The following UBR1 variants were observed in gnomAD, a reference collection of about 807,000 sequenced individuals.
The protein encoded by UBR1 is ubiquitin protein ligase E3 component n-recognin 1, also known as E3 ubiquitin-protein ligase UBR1.
Under a neutral mutation model 242.1 loss-of-function variants are expected in UBR1, and 102 were observed. The ratio of observed to expected loss-of-function variants is 0.42; its 90% CI spans 0.36 to 0.50. The LOEUF (loss-of-function observed/expected upper bound fraction) is 0.50. Ranked by LOEUF, UBR1 falls within the 20% of genes least tolerant of loss-of-function variation. The pLI is 0.01. For synonymous variants in UBR1, 675 were observed against 684.8 expected (o/e 0.99, Z 0.22); for missense variants, 1,772 against 2,101.8 (o/e 0.84, Z 3.07).
At chr15:43,068,652 ACT>A (rs1458175284) in intron 5 of UBR1, among the ~76,000 whole-genome samples, 3 of 151,862 alleles carry the variant, frequency 2.0e-5, no homozygotes, top group African/African-American at 7.2e-5. Flanking sequence ...ATGGAATCTC[ACT>A]CTGTCACCCA....
chr15:43,039,039 A>C lies in UBR1; in HGVS notation c.1850-807T>G, dbSNP rs190645754. Among the ~76,000 whole-genome samples, 1,370 of 151,544 alleles carry C rather than the reference A, an allele frequency of 9.0e-3. 17 individuals are homozygous for C. The highest frequency in any genetic ancestry group is 0.031 in the African/African-American group (1,303 of 41,508). On this transcript the variant is annotated intron_variant, in intron 15 of 46. Coordinates refer to ENST00000290650, the MANE Select transcript of UBR1 (RefSeq NM_174916.3). ...TTAACAAAAATTTTTATTTTTATTA[A>C]AAAGGTACTTTTTACAAAAATTTTT...
intron 39 of UBR1, among the ~76,000 whole-genome samples, chr15:42,973,522 C>T (rs4924701): frequency 0.87 from 131,665 of 152,118 alleles, 57,087 homozygotes; most frequent in Admixed American, 0.92. Flanking sequence ...CTCAAACTCC[C>T]GGCTGAAGTG....
Position 42,945,280 on chromosome 15 carries a change from G to A in UBR1, c.*49C>T. 6.2e-7 allele frequency: 1 copy of A among 1,613,600 alleles called. No individual in the cohort carries two copies. Among genetic ancestry groups the A allele is most frequent in the Non-Finnish European group, 8.5e-7 (1 of 1,179,764 alleles). On this transcript the variant is annotated 3_prime_UTR_variant, in exon 47 of 47. Transcript: ENST00000290650. ...GAAAGTTTTCCATAATTTTGAATCA[G>A]CCTTTACTACTGTCGTCATTTGTGA...
chr15:43,038,959 T>G (rs953791014), intron 15 of UBR1, among the ~76,000 whole-genome samples: 9 of 151,864 alleles, frequency 5.9e-5, no homozygotes, highest in African/African-American at 2.2e-4. Flanking sequence ...AAATTTTTAT[T>G]TTCATTAAAA....
intron 29 of UBR1, among the ~76,000 whole-genome samples, chr15:43,010,918 AGGCGGAGGTTG>A (rs965455844): frequency 6.6e-6 from 1 of 151,610 alleles, no homozygotes; most frequent in Non-Finnish European, 1.5e-5. Flanking sequence ...TGAACCCAGG[AGGCGGAGGTTG>A]CAGTGAGCCG....
chr15:43,057,551 A>C (rs2033633032), intron 10 of UBR1, among the ~76,000 whole-genome samples: 1 of 152,228 alleles, frequency 6.6e-6, no homozygotes. Context: ...AAAAAGATAC[A>C]GTAAGGTAAG....
At chr15:43,001,424 GGT>G (rs2032723750) in intron 32 of UBR1, among the ~76,000 whole-genome samples, 1 of 152,262 alleles carries the variant, frequency 6.6e-6, no homozygotes, top group Non-Finnish European at 1.5e-5. Context: ...TGGGATTACA[GGT>G]GTAAGCCATG....
intron 14 of UBR1, among the ~76,000 whole-genome samples, chr15:43,046,895 T>C (rs1360246215): frequency 2.0e-5 from 3 of 152,126 alleles, no homozygotes; most frequent in Non-Finnish European, 4.4e-5. Flanking sequence ...ATATGCATTT[T>C]CCAGGGAATA....
intron 12 of UBR1, among the ~76,000 whole-genome samples, chr15:43,050,833 C>T (rs1297627068): frequency 6.6e-6 from 1 of 151,798 alleles, no homozygotes; most frequent in Admixed American, 6.6e-5. Flanking sequence ...TAAAGCTCAA[C>T]ATCACTGATC....
chr15:43,069,186 T>A lies in UBR1; in HGVS notation c.660-1150A>T, dbSNP rs561269953. Among the ~76,000 whole-genome samples the A allele has an allele frequency of 5.9e-5, 9 of 152,132 alleles. No individual in the cohort carries two copies. In the South Asian group the frequency reaches 1.7e-3, roughly 28 times the overall value. ...TTGCTGAGATGACAGTGCTTTTTCA[T>A]CTCCAAAAGGAACATAATATCTACA... On this transcript the variant is annotated intron_variant, in intron 5 of 46. Transcript: ENST00000290650.
Position 43,076,177 on chromosome 15 carries a change from TTGCTG to T in UBR1, c.418-1093_418-1089del, listed in dbSNP as rs1464023694. Among the ~76,000 whole-genome samples the T allele has an allele frequency of 3.9e-3, 592 of 151,952 alleles. 4 individuals are homozygous for T. The highest frequency in any genetic ancestry group is 0.014 in the African/African-American group (565 of 41,480). On this transcript the variant is annotated intron_variant, in intron 3 of 46. Transcript: ENST00000290650. The stretch of plus-strand genomic sequence containing the variant: ...TTTTTTTTTTGGTGGAGACGGGGTT[TTGCTG>T]TGTTGGCCGGGCCAGTCTCCAGCCC...
intron 39 of UBR1, among the ~76,000 whole-genome samples, chr15:42,971,313 T>G (rs2032204187): frequency 6.6e-6 from 1 of 152,162 alleles, no homozygotes; most frequent in Admixed American, 6.5e-5. Flanking sequence ...AAGAGAACTT[T>G]GTGAGGTTAT....
intron 42 of UBR1, among the ~76,000 whole-genome samples, chr15:42,963,542 C>G (rs945988122): frequency 6.6e-6 from 1 of 152,066 alleles, no homozygotes; most frequent in African/African-American, 2.4e-5. Flanking sequence ...GACCTTCCTT[C>G]TTTTCTCAGT....
At chr15:43,096,652 T>G (rs2034165429) in intron 1 of UBR1, among the ~76,000 whole-genome samples, 1 of 152,236 alleles carries the variant, frequency 6.6e-6, no homozygotes, top group African/African-American at 2.4e-5. Flanking sequence ...CATTTGTTCT[T>G]ATTTAAACAA....
At chr15:43,007,000 G>A in intron 30 of UBR1, 79 bp downstream of exon 30, 1 of 1,397,644 alleles carries the variant, frequency 7.2e-7, no homozygotes, top group Non-Finnish European at 1.0e-6. Context: ...ATTTCCAAAT[G>A]TTTTTCAAAT....
At chr15:43,012,642 C>CT (rs2032940449) in intron 29 of UBR1, among the ~76,000 whole-genome samples, 1 of 152,168 alleles carries the variant, frequency 6.6e-6, no homozygotes, top group South Asian at 2.1e-4. Flanking sequence ...TCAGTAGTTT[C>CT]TTTCTCACTA....
chr15:43,082,274 T>C (rs1244119674), intron 3 of UBR1, among the ~76,000 whole-genome samples: 1 of 152,194 alleles, frequency 6.6e-6, no homozygotes, highest in Admixed American at 6.5e-5. Flanking sequence ...AGTTTTTTTT[T>C]TAGTAGTAAA....
intron 1 of UBR1, among the ~76,000 whole-genome samples, chr15:43,095,617 G>C (rs975073435): frequency 6.6e-6 from 1 of 151,832 alleles, no homozygotes; most frequent in Non-Finnish European, 1.5e-5. Flanking sequence ...TTCAAGAGGA[G>C]GCATGTTAAC....
At chr15:42,999,669 A>G (rs2141283369) in intron 32 of UBR1, among the ~76,000 whole-genome samples, 1 of 152,204 alleles carries the variant, frequency 6.6e-6, no homozygotes, top group Admixed American at 6.5e-5. Context: ...CTCTACAAAA[A>G]ATACAAAAAT....
Sources: gnomAD v4.1 joint callset for allele counts (sites outside exome capture counted in the v4.1 genomes callset) on GRCh38, gnomAD v4.1.1 for gene constraint, MANE v1.5 for transcripts, NCBI Gene and HGNC (gene_info 2026-07-23, HGNC 2026-07-21) for gene names.